Variants in EPHA6 observed in about 807,000 individuals in gnomAD.
EPHA6 encodes EPH receptor A6.
A neutral mutation model predicts 112.0 loss-of-function variants in EPHA6; 50 were observed. The ratio of observed to expected loss-of-function variants is 0.45; its 90% CI spans 0.36 to 0.56. The LOEUF (loss-of-function observed/expected upper bound fraction) is 0.56. Among genes scored for constraint, EPHA6 ranks in the 20% least tolerant of loss-of-function variants. The pLI, the probability that EPHA6 is intolerant of heterozygous loss-of-function variation, is 0.00. For synonymous variants in EPHA6, 529 were observed against 490.7 expected (o/e 1.08, Z -1.03); for missense variants, 1,280 against 1,417.4 (o/e 0.90, Z 1.56).
At chr3:97,061,682 G>T (rs894091867) in intron 3 of EPHA6, among the ~76,000 whole-genome samples, 4 of 152,122 alleles carry the variant, frequency 2.6e-5, no homozygotes, top group African/African-American at 7.2e-5. Context: ...TCTGAAAGTG[G>T]CTATCTCTGA....
intron 5 of EPHA6, among the ~76,000 whole-genome samples, chr3:97,307,050 GT>G (rs1303616160): frequency 6.6e-6 from 1 of 151,714 alleles, no homozygotes; most frequent in East Asian, 1.9e-4. Context: ...TGAAGTATTT[GT>G]TATAAATTTA....
chr3:97,593,555 T>G (rs1427892373), intron 12 of EPHA6, among the ~76,000 whole-genome samples: 1 of 152,194 alleles, frequency 6.6e-6, no homozygotes, highest in Non-Finnish European at 1.5e-5. Context: ...TGCTAAAAAA[T>G]TATTGTTATG....
intron 3 of EPHA6, among the ~76,000 whole-genome samples, chr3:97,014,202 T>C (rs1452978122): frequency 6.6e-6 from 1 of 152,124 alleles, no homozygotes; most frequent in Non-Finnish European, 1.5e-5. Flanking sequence ...TCAATAGATA[T>C]CCAACTCATT....
chr3:96,935,471 A>C (rs141873858), intron 2 of EPHA6, among the ~76,000 whole-genome samples: 2 of 150,726 alleles, frequency 1.3e-5, no homozygotes, highest in African/African-American at 4.8e-5. Flanking sequence ...TAGGTATTCT[A>C]CATGGACATA....
intron 3 of EPHA6, among the ~76,000 whole-genome samples, chr3:97,009,542 A>G (rs2044003526): frequency 6.6e-6 from 1 of 152,204 alleles, no homozygotes; most frequent in Non-Finnish European, 1.5e-5. Flanking sequence ...TGTGGTAGGC[A>G]GTTGCCAGTC....
At chr3:96,873,709 G>C (rs1011280440) in intron 2 of EPHA6, among the ~76,000 whole-genome samples, 3 of 152,062 alleles carry the variant, frequency 2.0e-5, no homozygotes, top group African/African-American at 7.2e-5. Context: ...GAAGATTTCA[G>C]AGCTTTCTTG....
At chr3:97,740,817 C>A (rs1466810031) in intron 16 of EPHA6, among the ~76,000 whole-genome samples, 1 of 152,134 alleles carries the variant, frequency 6.6e-6, no homozygotes, top group Non-Finnish European at 1.5e-5. Context: ...TTGTTCAATG[C>A]CACATAGGCA....
chr3:97,079,835 C>A (rs1158420880), intron 3 of EPHA6, among the ~76,000 whole-genome samples: 1 of 151,798 alleles, frequency 6.6e-6, no homozygotes, highest in Non-Finnish European at 1.5e-5. Flanking sequence ...CAACCATCAA[C>A]GTTGAGGCAA....
intron 5 of EPHA6, among the ~76,000 whole-genome samples, chr3:97,374,155 T>TC (rs1479296074): frequency 6.6e-6 from 1 of 152,056 alleles, no homozygotes; most frequent in Non-Finnish European, 1.5e-5. Flanking sequence ...AAGGCAAAGC[T>TC]CCAAACTTCA....
chr3:97,265,602 G>C (rs892631934), intron 5 of EPHA6, among the ~76,000 whole-genome samples: 1 of 152,142 alleles, frequency 6.6e-6, no homozygotes, highest in Non-Finnish European at 1.5e-5. Context: ...GGGCAGGGGG[G>C]GCCTTCCCAA....
At chr3:97,587,655 C>T (rs575918102) in intron 11 of EPHA6, among the ~76,000 whole-genome samples, 1 of 152,180 alleles carries the variant, frequency 6.6e-6, no homozygotes, top group South Asian at 2.1e-4. Flanking sequence ...AATAGTGCTC[C>T]TGGTGGTTTT....
chr3:97,050,590 T>G (rs2045653896), intron 3 of EPHA6, among the ~76,000 whole-genome samples: 1 of 152,150 alleles, frequency 6.6e-6, no homozygotes, highest in Non-Finnish European at 1.5e-5. Context: ...CAGAAATAAT[T>G]TTAAATGGGT....
At chr3:97,622,829 G>A (rs1015128121) in intron 13 of EPHA6, among the ~76,000 whole-genome samples, 2 of 151,666 alleles carry the variant, frequency 1.3e-5, no homozygotes, top group African/African-American at 4.8e-5. Flanking sequence ...GTGTCTCAAC[G>A]AAGTTTTAAT....
At chr3:97,135,895 C>G (rs188474053) in intron 3 of EPHA6, among the ~76,000 whole-genome samples, 3 of 151,842 alleles carry the variant, frequency 2.0e-5, no homozygotes, top group South Asian at 4.2e-4. Context: ...CAAGTTAAAA[C>G]CACAGCAGCA....
chr3:97,112,441 A>T (rs1484794752), intron 3 of EPHA6, among the ~76,000 whole-genome samples: 1 of 152,128 alleles, frequency 6.6e-6, no homozygotes, highest in East Asian at 1.9e-4. Flanking sequence ...GGCTTATCTG[A>T]CCAATCACAA....
intron 2 of EPHA6, among the ~76,000 whole-genome samples, chr3:96,964,238 G>T (rs2042044003): frequency 6.6e-6 from 1 of 152,134 alleles, no homozygotes; most frequent in South Asian, 2.1e-4. Flanking sequence ...CCATTCTGCA[G>T]AAAAGAGGTG....
chr3:97,558,427 C>T (rs746745364), intron 11 of EPHA6, among the ~76,000 whole-genome samples: 1 of 151,996 alleles, frequency 6.6e-6, no homozygotes, highest in Admixed American at 6.6e-5. Flanking sequence ...ACTTTCCATT[C>T]AGTCAATGAG....
Position 97,584,075 on chromosome 3 carries a change from AT to A in EPHA6, c.2387-8532del, listed in dbSNP as rs533501734. 1.2e-3 allele frequency among the ~76,000 whole-genome samples: 186 copies of A among 152,312 alleles called. 2 individuals carry two copies. Among genetic ancestry groups the A allele is most frequent in the African/African-American group, 4.3e-3 (178 of 41,566 alleles). On this transcript the variant is annotated intron_variant, in intron 11 of 17. Coordinates refer to ENST00000389672, the MANE Select transcript of EPHA6 (RefSeq NM_001080448.3). ...TCACTGAACATTAATAATTATATAT[AT>A]TTTTGATGCTATTTATACTATTTGA...
At chr3:97,222,610 T>A (rs1329184935) in intron 3 of EPHA6, among the ~76,000 whole-genome samples, 1 of 152,248 alleles carries the variant, frequency 6.6e-6, no homozygotes, top group African/African-American at 2.4e-5. Context: ...ATTTACTATC[T>A]GTTTTCATCC....
Sources: allele counts gnomAD v4.1 joint callset (sites outside exome capture counted in the v4.1 genomes callset), GRCh38; gene constraint gnomAD v4.1.1; transcripts MANE v1.5; gene names NCBI Gene and HGNC (gene_info 2026-07-23, HGNC 2026-07-21).